The following EHMT1 variants were observed in gnomAD, a reference collection of about 807,000 sequenced individuals.
The protein encoded by EHMT1 is euchromatic histone lysine methyltransferase 1.
EHMT1 carries 15 observed loss-of-function variants against 147.2 expected under a neutral mutation model. The observed-to-expected ratio is 0.10, with a 90% confidence interval of 0.07 to 0.16. EHMT1 has a LOEUF of 0.16. Among genes scored for constraint, EHMT1 ranks in the 10% least tolerant of loss-of-function variants. The pLI, the probability that EHMT1 is intolerant of heterozygous loss-of-function variation, is 1.00. For missense variants in EHMT1, 1,587 were observed against 1,772.4 expected, an observed-to-expected ratio of 0.90 and a Z score of 1.88; for synonymous variants, 795 against 709.6, an observed-to-expected ratio of 1.12 and a Z score of -1.91.
At chr9:137,799,602 T>C (rs1953275689) in intron 17 of EHMT1, among the ~76,000 whole-genome samples, 1 of 152,152 alleles carries the variant, frequency 6.6e-6, no homozygotes. Context: ...CACCATGCAC[T>C]GGGGGTCCCT....
At chr9:137,677,048 T>C (rs1941419274) in intron 1 of EHMT1, among the ~76,000 whole-genome samples, 1 of 152,134 alleles carries the variant, frequency 6.6e-6, no homozygotes, top group South Asian at 2.1e-4. Flanking sequence ...AGGCTGATCT[T>C]GAACACCTGG....
At position 137,657,039 on chromosome 9, in the gene EHMT1, C is replaced by A. The variant is rs543427192; in HGVS notation, c.21+37990C>A. 6.6e-5 allele frequency among the ~76,000 whole-genome samples: 10 copies of A among 152,312 alleles called. No individual in the cohort carries two copies. The South Asian group carries it at 1.2e-3, about 19-fold the overall frequency. On this transcript the variant is annotated intron_variant, in intron 1 of 26. Coordinates refer to ENST00000460843, the MANE Select transcript of EHMT1 (RefSeq NM_024757.5). Reference sequence around the variant, plus strand: ...TACAGGTGTGAGCCACCGTGCCTGGCCACCCTTTTACTTTTGTCTGTTCAT... The same window carrying A: ...TACAGGTGTGAGCCACCGTGCCTGGACACCCTTTTACTTTTGTCTGTTCAT...
intron 1 of EHMT1, among the ~76,000 whole-genome samples, chr9:137,665,738 A>T (rs943786340): frequency 6.6e-6 from 1 of 152,230 alleles, no homozygotes; most frequent in African/African-American, 2.4e-5. Flanking sequence ...TTTTAGGGTG[A>T]AAACAATAAA....
chr9:137,750,441 TA>T (rs1265638357), intron 6 of EHMT1, among the ~76,000 whole-genome samples: 1 of 152,194 alleles, frequency 6.6e-6, no homozygotes, highest in African/African-American at 2.4e-5. Context: ...TGTAATTTCT[TA>T]ATATCACCAG....
At chr9:137,816,412 A>G (rs1326330312) in intron 23 of EHMT1, 1 of 361,308 alleles carries the variant, frequency 2.8e-6, no homozygotes, top group African/African-American at 2.1e-5. Flanking sequence ...CTATTTTAAT[A>G]CTCCAGTCAT....
At chr9:137,748,263 T>G (rs1312799431) in intron 6 of EHMT1, among the ~76,000 whole-genome samples, 2 of 152,252 alleles carry the variant, frequency 1.3e-5, no homozygotes, top group Non-Finnish European at 1.5e-5. Context: ...CTTAAATTTC[T>G]ACTACAGTAC....
rs562325704 is a variant in EHMT1 at position 137,700,061 on chromosome 9, A to C, written c.22-10906A>C. Among the ~76,000 whole-genome samples, 3 of 152,338 alleles carry C rather than the reference A, an allele frequency of 2.0e-5. No individual in the cohort carries two copies. The South Asian group carries it at 6.2e-4, about 32-fold the overall frequency. On this transcript the variant is annotated intron_variant, in intron 1 of 26. Transcript: ENST00000460843. ...ATGTATATCATCATGTGGAATAAAG[A>C]GGTTACTGTCTTCTGTCCTGTGTTG...
At position 137,775,331 on chromosome 9, in the gene EHMT1, T is replaced by A; in HGVS notation, c.1791+79T>A. On this transcript the variant is annotated intron_variant, in intron 11 of 26. Coordinates refer to ENST00000460843, the MANE Select transcript of EHMT1 (RefSeq NM_024757.5). This position sits in a 1 kb window ranked among gnomAD's most constrained non-coding sequence, Gnocchi z 6.1. Reference sequence around the variant, plus strand: ...CACTGGTGCTGGTTCCTGTCCTGTGTCCACCTGCTGTCGGGTGGTCCAGCA... The same window carrying A: ...CACTGGTGCTGGTTCCTGTCCTGTGACCACCTGCTGTCGGGTGGTCCAGCA... The A allele has an allele frequency of 6.4e-7, 1 of 1,569,982 alleles. No individual in the cohort carries two copies. The highest frequency in any genetic ancestry group is 1.1e-5 in the South Asian group (1 of 88,266).
At chr9:137,820,867 GTTTGTTTTGT>G (rs57434137) in intron 25 of EHMT1, among the ~76,000 whole-genome samples, 18 of 151,146 alleles carry the variant, frequency 1.2e-4, no homozygotes, top group East Asian at 3.9e-4. Context: ...CACCTTAGAG[GTTTGTTTTGT>G]TTTGTTTTGT....
At chr9:137,827,011 C>T (rs763605184) in intron 25 of EHMT1, among the ~76,000 whole-genome samples, 2 of 152,172 alleles carry the variant, frequency 1.3e-5, no homozygotes, top group African/African-American at 2.4e-5. Context: ...TCATGTTGGC[C>T]GGGGGGTCCC....
intron 8 of EHMT1, among the ~76,000 whole-genome samples, chr9:137,757,305 G>T (rs1483106936): frequency 1.3e-5 from 2 of 152,218 alleles, no homozygotes; most frequent in Admixed American, 1.3e-4. Flanking sequence ...GGCACCTTCT[G>T]TGGGTGTCGT....
intron 3 of EHMT1, among the ~76,000 whole-genome samples, chr9:137,724,974 G>A (rs1007731812): frequency 6.8e-5 from 10 of 147,166 alleles, no homozygotes; most frequent in Admixed American, 2.0e-4. Context: ...TGGGGCATTC[G>A]TGTGGCAGAC....
chr9:137,777,366 C>T (rs1466305863), intron 12 of EHMT1: 2 of 189,278 alleles, frequency 1.1e-5, no homozygotes, highest in African/African-American at 4.8e-5. Flanking sequence ...AAGCCACTTG[C>T]CTTCTTCCTT....
At chr9:137,789,401 G>T (rs963393227) in intron 15 of EHMT1, among the ~76,000 whole-genome samples, 1 of 152,258 alleles carries the variant, frequency 6.6e-6, no homozygotes, top group Admixed American at 6.5e-5. Flanking sequence ...GCCTCTGTGT[G>T]CTGAGCGTGC....
chr9:137,623,428 T>C (rs1324410785), intron 1 of EHMT1, among the ~76,000 whole-genome samples: 4 of 151,840 alleles, frequency 2.6e-5, no homozygotes, highest in Non-Finnish European at 1.5e-5. Flanking sequence ...CTCTTTTTTT[T>C]TTTTGAGATG....
chr9:137,713,995 T>G (rs1944975834), intron 2 of EHMT1, among the ~76,000 whole-genome samples: 1 of 152,208 alleles, frequency 6.6e-6, no homozygotes, highest in Non-Finnish European at 1.5e-5. Flanking sequence ...CATATTTATC[T>G]TATATCCTAT....
chr9:137,727,895 A>T (rs769527203), intron 3 of EHMT1, among the ~76,000 whole-genome samples: 7 of 152,264 alleles, frequency 4.6e-5, no homozygotes, highest in African/African-American at 7.2e-5. Flanking sequence ...TGCAAACTGT[A>T]GCCATGGTAA....
chr9:137,755,271 C>G (rs1949295811), intron 8 of EHMT1, among the ~76,000 whole-genome samples: 1 of 152,188 alleles, frequency 6.6e-6, no homozygotes. Flanking sequence ...TCCCAGGCAG[C>G]CCCTGGTCTG....
In EHMT1 at chr9:137,810,201, C is replaced by T. The variant is rs113508752; in HGVS notation, c.2713-1260C>T. On this transcript the variant is annotated intron_variant, in intron 18 of 26. Transcript: ENST00000460843. ...GGTTCCGATGCCGCCCCGTGTGGACCGTCGGTGATGGGTCCGGAGGCGGTT... is the reference window on the plus strand; with the variant it reads ...GGTTCCGATGCCGCCCCGTGTGGACTGTCGGTGATGGGTCCGGAGGCGGTT... Among the ~76,000 whole-genome samples, 30 of 105,556 alleles carry T rather than the reference C, an allele frequency of 2.8e-4. No individual in the cohort carries two copies. In the African/African-American group the frequency reaches 3.6e-3, roughly 13 times the overall value. The allele number at this position is 105,556 out of a possible 152,430, so 69.2% of individuals were successfully genotyped here.
Sources: gnomAD v4.1 joint callset for allele counts (sites outside exome capture counted in the v4.1 genomes callset) on GRCh38, gnomAD v4.1.1 for gene constraint, Gnocchi (gnomAD v3.1) non-coding constraint, MANE v1.5 for transcripts, NCBI Gene and HGNC (gene_info 2026-07-23, HGNC 2026-07-21) for gene names.